The following PER2 variants were observed in gnomAD, a reference collection of about 807,000 sequenced individuals.
PER2 encodes the protein period circadian protein homolog 2.
Under a neutral mutation model 121.0 loss-of-function variants are expected in PER2, and 66 were observed. The observed-to-expected ratio is 0.55, with a 90% CI of 0.45 to 0.67. The LOEUF (loss-of-function observed/expected upper bound fraction) is 0.67. Ranked by LOEUF, PER2 falls within the 30% of genes least tolerant of loss-of-function variation. The probability of loss-of-function intolerance (pLI) is 0.00; values close to 1 mark genes in which losing one functional copy is unlikely to be tolerated. For missense variants in PER2, 1,521 were observed against 1,635.0 expected (o/e 0.93, Z 1.20); for synonymous variants, 684 against 659.9 (o/e 1.04, Z -0.56).
intron 9 of PER2, 30 bp from the exon 10 acceptor site, chr2:238,263,088 T>C: frequency 7.6e-7 from 1 of 1,315,894 alleles, no homozygotes. Context: ...ACGCTAGGAT[T>C]GGCATCCAAA....
At chr2:238,263,329 G>T (rs1378231086) in intron 9 of PER2, among the ~76,000 whole-genome samples, 1 of 152,230 alleles carries the variant, frequency 6.6e-6, no homozygotes, top group Non-Finnish European at 1.5e-5. Context: ...GATAAGTCAT[G>T]ATCATGCTTT....
At chr2:238,283,601 G>C (rs1696694133) in intron 1 of PER2, among the ~76,000 whole-genome samples, 1 of 152,246 alleles carries the variant, frequency 6.6e-6, no homozygotes. Context: ...GCGGCAGCAA[G>C]GCCAGATCAC....
Position 238,275,886 on chromosome 2 carries a change from G to A in PER2, c.305C>T (p.Ser102Phe). ...TTCTTTGTGTGTGTCCACTTTCGAA[G>A]ACTGGTCGCTACTGCAGGATTCAAG... ...PSTSGCSSDQ[S>F]SKVDTHKELI... Residue 102 changes from serine to phenylalanine, a missense_variant, in exon 4 of 23, where the codon TCT (serine) becomes TTT (phenylalanine). Transcript: ENST00000254657. 6.2e-7 allele frequency: 1 copy of A among 1,614,218 alleles called. No homozygotes were observed. Among genetic ancestry groups the A allele is most frequent in the Non-Finnish European group, 8.5e-7 (1 of 1,180,024 alleles).
the PER2 span, among the ~76,000 whole-genome samples, chr2:238,297,264 G>T: frequency 2.6e-5 from 4 of 152,224 alleles, no homozygotes; most frequent in Non-Finnish European, 5.9e-5. Flanking sequence ...GGGAGGAAAG[G>T]CATTGTATGG....
chr2:238,257,503 T>C (rs1695798010), intron 16 of PER2, among the ~76,000 whole-genome samples: 1 of 152,222 alleles, frequency 6.6e-6, no homozygotes, highest in Non-Finnish European at 1.5e-5. Context: ...AGATGGAGTC[T>C]CGCTCTGTCA....
intron 4 of PER2, among the ~76,000 whole-genome samples, chr2:238,274,349 C>T (rs868477233): frequency 1.6e-4 from 24 of 152,218 alleles, no homozygotes; most frequent in Admixed American, 1.4e-3. Flanking sequence ...GGCTGCGTTA[C>T]GAGTCTGACC....
chr2:238,272,457 G>A (rs1288840727), intron 5 of PER2, among the ~76,000 whole-genome samples: 1 of 152,266 alleles, frequency 6.6e-6, no homozygotes, highest in East Asian at 1.9e-4. Flanking sequence ...TGGGCTCAGG[G>A]TTGGGGGCTG....
intron 22 of PER2, among the ~76,000 whole-genome samples, chr2:238,248,785 A>C (rs1408440142): frequency 6.6e-6 from 1 of 151,008 alleles, no homozygotes; most frequent in Non-Finnish European, 1.5e-5. Context: ...CCTCCTGAGG[A>C]GCTGGGACTA....
At position 238,254,881 on chromosome 2, in the gene PER2, A is replaced by G. The variant is rs1426523829; in HGVS notation, c.2320+776T>C. On this transcript the variant is annotated intron_variant, in intron 18 of 22. Transcript: ENST00000254657. ...GGAAGCTGTGGGCTTAATTTCTTAC[A>G]AATTTCCCTTGGTGCGTCTGCCCAG... 8 of 152,296 alleles carry G rather than the reference A, an allele frequency of 5.3e-5. No individual in the cohort carries two copies. The East Asian group carries it at 1.5e-3, about 29-fold the overall frequency. 9.4% of individuals were successfully genotyped at this position (152,296 alleles called of 1,614,324 possible). A position where few individuals can be genotyped will look rare whatever the true frequency, so the allele number is the denominator to read the frequency against.
chr2:238,297,570 C>T, the PER2 span, among the ~76,000 whole-genome samples: 1 of 152,206 alleles, frequency 6.6e-6, no homozygotes, highest in Non-Finnish European at 1.5e-5. Flanking sequence ...TTTCAAACCA[C>T]AGGAAGATGA....
chr2:238,295,927 GGTTT>G, the PER2 span: 1 of 227,736 alleles, frequency 4.4e-6, no homozygotes, highest in Non-Finnish European at 8.9e-6. Flanking sequence ...AAGCACGGAT[GGTTT>G]GTTTGCATGA....
intron 1 of PER2, among the ~76,000 whole-genome samples, chr2:238,278,755 G>A (rs1031554847): frequency 1.3e-5 from 2 of 152,170 alleles, no homozygotes; most frequent in African/African-American, 4.8e-5. Context: ...AGGGCAGAGG[G>A]GCCTGGCAGG....
chr2:238,271,289 A>C, intron 6 of PER2, 23 bp downstream of exon 6: 2 of 1,601,762 alleles, frequency 1.2e-6, no homozygotes, highest in Non-Finnish European at 1.7e-6. Context: ...AGAGGGAACA[A>C]GGCACTACCT....
rs1482471713 is a variant in PER2 at position 238,262,277 on chromosome 2, G to A, written c.1221C>T (p.Tyr407=). The A allele has an allele frequency of 7.4e-6, 12 of 1,613,810 alleles. 1 individual carries two copies. In the Admixed American group the frequency reaches 1.8e-4, roughly 25 times the overall value. ...TGGACCAGCTGGTGTCCAACGTGATGTACTCTCCGTTCCGGGCGCGAAACC... is the reference window on the plus strand; with the variant it reads ...TGGACCAGCTGGTGTCCAACGTGATATACTCTCCGTTCCGGGCGCGAAACC... The part of the protein sequence containing the change: ...PIRFRARNGE[Y]ITLDTSWSSF... The change falls in exon 11 of 23, where the codon TAC becomes TAT. Residue 407 remains tyrosine (Y), a synonymous_variant. Coordinates refer to ENST00000254657, the MANE Select transcript of PER2 (RefSeq NM_022817.3).
In PER2 at chr2:238,248,951, G is replaced by A. The variant is rs772284131; in HGVS notation, c.3618+111C>T. On this transcript the variant is annotated intron_variant, in intron 22 of 22. Transcript: ENST00000254657. ...ATTACAGGCGTGAGCCACCGCGCCC[G>A]GCCTAATTTTAGAAGTTTTAAATTG... 2.8e-5 allele frequency: 34 copies of A among 1,229,984 alleles called. No homozygotes were observed. In the South Asian group the frequency reaches 3.1e-4, roughly 11 times the overall value. 76.2% of individuals were successfully genotyped at this position (1,229,984 alleles called of 1,614,324 possible). A position where few individuals can be genotyped will look rare whatever the true frequency, so the allele number is the denominator to read the frequency against.
In PER2 at chr2:238,268,284, C is replaced by A. The variant is rs1363575147; in HGVS notation, c.825-86G>T. The stretch of plus-strand genomic sequence containing the variant: ...GTTCCCTCCTCACCTGGGCCCCATG[C>A]CATGCTGCAGGTGATGTGTACCTCT... On this transcript the variant is annotated intron_variant, in intron 7 of 22. Coordinates refer to ENST00000254657, the MANE Select transcript of PER2 (RefSeq NM_022817.3). This position sits in a 1 kb window ranked among gnomAD's most constrained non-coding sequence, Gnocchi z 4.0. The A allele has an allele frequency of 1.4e-6, 2 of 1,395,694 alleles. No individual in the cohort carries two copies. Among genetic ancestry groups the A allele is most frequent in the East Asian group, 4.7e-5 (2 of 42,362 alleles). 86.5% of individuals were successfully genotyped at this position (1,395,694 alleles called of 1,614,324 possible).
intron 1 of PER2, among the ~76,000 whole-genome samples, chr2:238,282,884 C>T (rs1225360421): frequency 1.3e-5 from 2 of 152,226 alleles, no homozygotes; most frequent in African/African-American, 2.4e-5. Flanking sequence ...AAGGACCTTG[C>T]GCACGAGCCC....
intron 2 of PER2, 85 bp downstream of exon 2, chr2:238,277,622 T>C: frequency 1.4e-6 from 2 of 1,470,938 alleles, no homozygotes; most frequent in Non-Finnish European, 1.9e-6. Context: ...GATTTAAAGA[T>C]TGCAAAAGCA....
chr2:238,258,279 CAG>C lies in PER2; in HGVS notation c.1895_1896del (p.Ala632GlyfsTer140). On this transcript the variant is annotated frameshift_variant, in exon 16 of 23. Transcript: ENST00000254657. LOFTEE classifies it high-confidence loss of function. ...RKATVSPGPH[A>X]GEAEPPSRVN... ...TGGCTCTACACAGATTAGATACCTC[CAG>C]CGTGTGGCCCTGGGCTGACTGTGGC... 1.9e-6 allele frequency: 3 copies of C among 1,614,212 alleles called. No homozygotes were observed. The highest frequency in any genetic ancestry group is 2.5e-6 in the Non-Finnish European group (3 of 1,180,020).
Sources: gnomAD v4.1 joint callset for allele counts (sites outside exome capture counted in the v4.1 genomes callset) on GRCh38, gnomAD v4.1.1 for gene constraint, Gnocchi (gnomAD v3.1) non-coding constraint, MANE v1.5 for transcripts, NCBI Gene and HGNC (gene_info 2026-07-23, HGNC 2026-07-21) for gene names.